The following PRAMEF15 variants were observed in gnomAD, a reference collection of about 807,000 sequenced individuals.
PRAMEF15 encodes PRAME family member 15, also known as PRAME family member 9/15.
PRAMEF15 carries 21 observed loss-of-function variants against 35.3 expected under a neutral mutation model. The ratio of observed to expected loss-of-function variants is 0.59; its 90% CI spans 0.42 to 0.86. The LOEUF is 0.86. Among genes scored for constraint, PRAMEF15 ranks in the 40% least tolerant of loss-of-function variants. The pLI, the probability that PRAMEF15 is intolerant of heterozygous loss-of-function variation, is 0.00. For missense variants in PRAMEF15, 360 were observed against 574.1 expected, an observed-to-expected ratio of 0.63 and a Z score of 3.81; for synonymous variants, 122 against 223.3, an observed-to-expected ratio of 0.55 and a Z score of 4.05.
chr1:13,319,377 G>T lies in PRAMEF15; in HGVS notation c.299G>T (p.Trp100Leu). The T allele has an allele frequency of 6.2e-7, 1 of 1,610,842 alleles. No homozygotes were observed. The highest frequency in any genetic ancestry group is 8.5e-7 in the Non-Finnish European group (1 of 1,179,812). ...LLTQGVRPRR[W>L]KLQVLDLQDV... ...TCACCTCTATTTTGCCACAGGAGGTGGAAACTCCAAGTGCTGGATTTACAG... is the reference window on the plus strand; with the variant it reads ...TCACCTCTATTTTGCCACAGGAGGTTGAAACTCCAAGTGCTGGATTTACAG... The change falls in exon 3 of 4, where the codon TGG (tryptophan) becomes TTG (leucine). Residue 100 changes from tryptophan to leucine, a missense_variant. Physicochemically the swap from Trp to Leu is moderately conservative, Grantham distance 61. Transcript: ENST00000376152.
At chr1:13,321,319 A>T (rs1640080723) in intron 3 of PRAMEF15, among the ~76,000 whole-genome samples, 2 of 148,840 alleles carry the variant, frequency 1.3e-5, no homozygotes, top group South Asian at 2.2e-4. Flanking sequence ...GGTTCAAGCG[A>T]TTCTTCTGCC....
chr1:13,322,469 T>G lies in PRAMEF15; in HGVS notation c.*205T>G. On this transcript the variant is annotated 3_prime_UTR_variant, in exon 4 of 4. Coordinates refer to ENST00000376152, the MANE Select transcript of PRAMEF15 (RefSeq NM_001098376.3). ...GATTCGATGGGACTTTGGGGACCTG[T>G]GTCCTGTAGATTCGAAAATGGGAAT... is the stretch of plus-strand genomic sequence containing the variant. The G allele has an allele frequency of 1.2e-6, 1 of 812,404 alleles. No homozygotes were observed. Among genetic ancestry groups the G allele is most frequent in the Non-Finnish European group, 1.9e-6 (1 of 526,378 alleles). The allele number at this position is 812,404 out of a possible 1,614,324, so 50.3% of individuals were successfully genotyped here. A position where few individuals can be genotyped will look rare whatever the true frequency, so the allele number is the denominator to read the frequency against.
At chr1:13,320,524 T>A (rs1466948907) in intron 3 of PRAMEF15, among the ~76,000 whole-genome samples, 4 of 152,188 alleles carry the variant, frequency 2.6e-5, no homozygotes, top group Admixed American at 2.0e-4. Context: ...CCCAGGTTCA[T>A]GCGATTCTCC....
rs1433958502 is a variant in PRAMEF15, at chr1:13,320,183, T to G, written c.875+230T>G. ...AGATGCTATGGAGAGGCTGCCATGCTAGGAAGCTAGCTACTGGGGGGTTCA... is the reference window on the plus strand; with the variant it reads ...AGATGCTATGGAGAGGCTGCCATGCGAGGAAGCTAGCTACTGGGGGGTTCA... On this transcript the variant is annotated intron_variant, in intron 3 of 3. Transcript: ENST00000376152. 8.5e-5 allele frequency among the ~76,000 whole-genome samples: 13 copies of G among 152,172 alleles called. No individual in the cohort carries two copies. The East Asian group carries it at 2.5e-3, about 29-fold the overall frequency.
rs1640033958 is a variant in PRAMEF15, at chr1:13,318,401, C to A, written c.-7C>A. 28 of 1,612,054 alleles carry A rather than the reference C, an allele frequency of 1.7e-5. No homozygotes were observed. Among genetic ancestry groups the A allele is most frequent in the Admixed American group, 1.0e-4 (6 of 59,956 alleles). Reference sequence around the variant, plus strand: ...GTTTGTCCTCTGGAAGTTTTCCCTGCAGATTCATGAAGATGAGCATCCGGA... The same window carrying A: ...GTTTGTCCTCTGGAAGTTTTCCCTGAAGATTCATGAAGATGAGCATCCGGA... On this transcript the variant is annotated 5_prime_UTR_variant, in exon 2 of 4. Coordinates refer to ENST00000376152, the MANE Select transcript of PRAMEF15 (RefSeq NM_001098376.3).
At chr1:13,320,927 T>C (rs1448339472) in intron 3 of PRAMEF15, among the ~76,000 whole-genome samples, 1 of 152,072 alleles carries the variant, frequency 6.6e-6, no homozygotes, top group African/African-American at 2.4e-5. Context: ...CAATGCATGA[T>C]TCTGAAACAG....
chr1:13,320,422 A>C (rs1436018411), intron 3 of PRAMEF15, among the ~76,000 whole-genome samples: 8 of 152,012 alleles, frequency 5.3e-5, no homozygotes, highest in Non-Finnish European at 1.2e-4. Context: ...AAAAACAAAC[A>C]AGATAACTTT....
At chr1:13,315,949 C>T (rs1225732425) in intron 1 of PRAMEF15, among the ~76,000 whole-genome samples, 11 of 151,498 alleles carry the variant, frequency 7.3e-5, no homozygotes, top group African/African-American at 2.2e-4. Flanking sequence ...CATTTCAGCC[C>T]AGGGATTTGA....
chr1:13,321,509 C>T (rs1402975794), intron 3 of PRAMEF15, among the ~76,000 whole-genome samples, 194 bp from the exon 4 acceptor site: 6,803 of 151,148 alleles, frequency 0.045, 108 homozygotes, highest in East Asian at 0.22. Flanking sequence ...GTTACTGGGC[C>T]GGGTCTAAAG....
intron 3 of PRAMEF15, among the ~76,000 whole-genome samples, chr1:13,321,169 C>T (rs1298832370): frequency 1.3e-5 from 2 of 150,490 alleles, no homozygotes; most frequent in African/African-American, 2.5e-5. Context: ...TGATCCATTC[C>T]TATAAATGAT....
At chr1:13,319,077 C>A (rs1371267585) in intron 2 of PRAMEF15, among the ~76,000 whole-genome samples, 4 of 151,722 alleles carry the variant, frequency 2.6e-5, no homozygotes, top group African/African-American at 9.7e-5. Flanking sequence ...TCCTGTAATC[C>A]CAGCTACTTG....
chr1:13,318,127 C>G (rs1185705209), intron 1 of PRAMEF15, among the ~76,000 whole-genome samples: 15 of 151,972 alleles, frequency 9.9e-5, no homozygotes, highest in African/African-American at 3.1e-4. Flanking sequence ...TCAGGTTCCT[C>G]CATACTCACT....
At chr1:13,321,480 G>T (rs1235088846) in intron 3 of PRAMEF15, among the ~76,000 whole-genome samples, 51 of 151,784 alleles carry the variant, frequency 3.4e-4, no homozygotes, top group Admixed American at 5.9e-4. Flanking sequence ...CTCCCAAAGT[G>T]CTGGGATTAC....
At chr1:13,318,723 G>A in intron 2 of PRAMEF15, 23 bp downstream of exon 2, 3 of 1,612,928 alleles carry the variant, frequency 1.9e-6, no homozygotes, top group Middle Eastern at 1.9e-4. Context: ...AGGTGGGCTG[G>A]TGGGGAGGGC....
rs1569797948 is a variant in PRAMEF15, at chr1:13,322,408, C to CA, written c.*146dup. ...CTGAAAGTGGGAAAGGAAAGCTGAT[C>CA]AAGCAGGGGCCGGACTTGGGGGAAA... On this transcript the variant is annotated 3_prime_UTR_variant, in exon 4 of 4. Transcript: ENST00000376152. 3.0e-6 allele frequency: 2 copies of CA among 672,432 alleles called. No homozygotes were observed. The highest frequency in any genetic ancestry group is 5.8e-5 in the East Asian group (2 of 34,584). 41.7% of individuals were successfully genotyped at this position (672,432 alleles called of 1,614,324 possible).
chr1:13,317,742 C>A (rs1295651235), intron 1 of PRAMEF15, among the ~76,000 whole-genome samples: 1 of 151,450 alleles, frequency 6.6e-6, no homozygotes, highest in Non-Finnish European at 1.5e-5. Context: ...CACCACTACA[C>A]TCCAGGCTGG....
intron 1 of PRAMEF15, among the ~76,000 whole-genome samples, chr1:13,317,782 TGAGA>T (rs1359143290): frequency 1.6e-3 from 211 of 131,770 alleles, no homozygotes; most frequent in African/African-American, 5.8e-3. Context: ...TCAGAAAGAG[TGAGA>T]GAGGGAGAGA....
At chr1:13,318,321 A>G (rs1304830110) in intron 1 of PRAMEF15, 71 bp from the exon 2 acceptor site, 11 of 1,589,730 alleles carry the variant, frequency 6.9e-6, no homozygotes, top group Admixed American at 3.4e-5. Flanking sequence ...GAGTTTGGCC[A>G]TAGGAGAAGA....
At chr1:13,321,007 G>A (rs1640076636) in intron 3 of PRAMEF15, among the ~76,000 whole-genome samples, 1 of 151,994 alleles carries the variant, frequency 6.6e-6, no homozygotes, top group African/African-American at 2.4e-5. Flanking sequence ...GGCATGTCAG[G>A]GATGCCTACA....
Sources: gnomAD v4.1 joint callset for allele counts (sites outside exome capture counted in the v4.1 genomes callset) on GRCh38, gnomAD v4.1.1 for gene constraint, MANE v1.5 for transcripts, NCBI Gene and HGNC (gene_info 2026-07-23, HGNC 2026-07-21) for gene names.